Variants in SPIDR observed in about 807,000 individuals in gnomAD.
SPIDR encodes scaffold protein involved in DNA repair.
Under a neutral mutation model 104.6 loss-of-function variants are expected in SPIDR, and 93 were observed. That is an observed-to-expected ratio of 0.89 (90% CI 0.75 to 1.06). The LOEUF is 1.06. Ranked by LOEUF, SPIDR falls within the 50% of genes least tolerant of loss-of-function variation. SPIDR has a pLI of 0.00. For synonymous variants in SPIDR, 431 were observed against 416.9 expected, an observed-to-expected ratio of 1.03 and a Z score of -0.41; for missense variants, 1,154 against 1,111.2, an observed-to-expected ratio of 1.04 and a Z score of -0.55.
chr8:47,417,941 TG>T (rs1554676614), intron 7 of SPIDR, among the ~76,000 whole-genome samples: 1 of 152,194 alleles, frequency 6.6e-6, no homozygotes, highest in African/African-American at 2.4e-5. Flanking sequence ...TGTAGATATG[TG>T]GCATTATTTC....
chr8:47,685,517 A>ATTTTTTTTTTTTTTT (rs370526185), intron 11 of SPIDR, among the ~76,000 whole-genome samples: 3 of 130,098 alleles, frequency 2.3e-5, no homozygotes, highest in Non-Finnish European at 5.1e-5. Context: ...TTATTTATTT[A>ATTTTTTTTTTTTTTT]TTTTTTTGAG....
At chr8:47,531,829 C>T (rs2086053067) in intron 8 of SPIDR, among the ~76,000 whole-genome samples, 1 of 152,078 alleles carries the variant, frequency 6.6e-6, no homozygotes, top group Non-Finnish European at 1.5e-5. Flanking sequence ...ATTTACTGAA[C>T]CACCATTATG....
At chr8:47,379,577 A>G (rs1015090106) in intron 5 of SPIDR, among the ~76,000 whole-genome samples, 3 of 152,160 alleles carry the variant, frequency 2.0e-5, no homozygotes, top group Non-Finnish European at 2.9e-5. Context: ...TGATTAAAAT[A>G]TAAGATTTTA....
At chr8:47,265,996 C>G (rs948224604) in intron 1 of SPIDR, among the ~76,000 whole-genome samples, 2 of 152,118 alleles carry the variant, frequency 1.3e-5, no homozygotes, top group Middle Eastern at 3.4e-3. Flanking sequence ...GTGATCTGCC[C>G]GCATCGACAT....
chr8:47,660,618 C>A, intron 10 of SPIDR: 1 of 601,524 alleles, frequency 1.7e-6, no homozygotes, highest in Non-Finnish European at 2.1e-6. Flanking sequence ...CAGGGACCCG[C>A]TGTAGACATG....
intron 5 of SPIDR, among the ~76,000 whole-genome samples, chr8:47,317,939 C>A (rs1454870598): frequency 1.3e-5 from 2 of 152,178 alleles, no homozygotes; most frequent in African/African-American, 4.8e-5. Context: ...AAAACCCCAT[C>A]TGTACGTCAC....
At chr8:47,526,056 T>A (rs1368602524) in intron 8 of SPIDR, among the ~76,000 whole-genome samples, 1 of 152,210 alleles carries the variant, frequency 6.6e-6, no homozygotes, top group Non-Finnish European at 1.5e-5. Context: ...CTATGTGTCC[T>A]TACGAATCTT....
intron 11 of SPIDR, among the ~76,000 whole-genome samples, chr8:47,700,114 GT>G (rs1589308512): frequency 6.6e-6 from 1 of 152,148 alleles, no homozygotes; most frequent in Non-Finnish European, 1.5e-5. Flanking sequence ...TCACAAACAT[GT>G]TTCCATGTCC....
chr8:47,390,485 TA>T (rs60465902), intron 5 of SPIDR, among the ~76,000 whole-genome samples: 15,074 of 142,956 alleles, frequency 0.11, 1,099 homozygotes, highest in African/African-American at 0.21. Context: ...TGTGTGCTAT[TA>T]AAAAAAAAAA....
chr8:47,635,154 G>A (rs2067696906), intron 10 of SPIDR, among the ~76,000 whole-genome samples: 1 of 151,836 alleles, frequency 6.6e-6, no homozygotes, highest in African/African-American at 2.4e-5. Context: ...CCGCCAACAT[G>A]GTGAAACCCT....
chr8:47,521,956 GA>G (rs1460462835), intron 8 of SPIDR, among the ~76,000 whole-genome samples: 1 of 151,348 alleles, frequency 6.6e-6, no homozygotes, highest in Non-Finnish European at 1.5e-5. Context: ...TTGAGGTCAG[GA>G]GTTCGAGACC....
At chr8:47,585,160 A>G (rs754036062) in intron 8 of SPIDR, among the ~76,000 whole-genome samples, 1 of 152,236 alleles carries the variant, frequency 6.6e-6, no homozygotes, top group Non-Finnish European at 1.5e-5. Flanking sequence ...AGCCCAGAAC[A>G]TAGTACGTGA....
chr8:47,299,547 T>G (rs2041617356), intron 5 of SPIDR, among the ~76,000 whole-genome samples: 1 of 152,210 alleles, frequency 6.6e-6, no homozygotes. Context: ...AAGGGAATGC[T>G]TCCAGTTTTT....
At chr8:47,269,332 G>A (rs957833899) in intron 1 of SPIDR, among the ~76,000 whole-genome samples, 19 of 151,558 alleles carry the variant, frequency 1.3e-4, no homozygotes, top group African/African-American at 4.1e-4. Flanking sequence ...ATCTCAGCTC[G>A]CTGCAACCTC....
intron 1 of SPIDR, among the ~76,000 whole-genome samples, chr8:47,261,477 C>A (rs1354555302): frequency 6.6e-6 from 1 of 152,320 alleles, no homozygotes; most frequent in South Asian, 2.1e-4. Context: ...GGTTCCAGAA[C>A]GGGAGCGGGT....
intron 12 of SPIDR, 48 bp downstream of exon 12, chr8:47,700,538 C>T (rs778739880): frequency 1.9e-6 from 3 of 1,589,818 alleles, no homozygotes; most frequent in South Asian, 2.2e-5. Context: ...CTACTCCATG[C>T]CAGGTGCCAA....
intron 14 of SPIDR, 39 bp from the exon 15 acceptor site, chr8:47,712,623 G>A: frequency 6.4e-7 from 1 of 1,569,288 alleles, no homozygotes; most frequent in Non-Finnish European, 8.7e-7. Flanking sequence ...AACATTTTTT[G>A]GTATAATAAT....
intron 11 of SPIDR, among the ~76,000 whole-genome samples, chr8:47,682,072 G>C (rs1420947545): frequency 6.6e-6 from 1 of 152,026 alleles, no homozygotes; most frequent in East Asian, 1.9e-4. Context: ...TTAAACCAAG[G>C]TGGTCGTTGT....
intron 5 of SPIDR, among the ~76,000 whole-genome samples, chr8:47,349,300 C>T (rs144307089): frequency 0.087 from 13,267 of 152,234 alleles, 732 homozygotes; most frequent in African/African-American, 0.16. Flanking sequence ...GCAAATATTG[C>T]AGAACAGCAA....
Sources: allele counts gnomAD v4.1 joint callset (sites outside exome capture counted in the v4.1 genomes callset), GRCh38; gene constraint gnomAD v4.1.1; transcripts MANE v1.5; gene names NCBI Gene and HGNC (gene_info 2026-07-23, HGNC 2026-07-21).